PLCL2: variants seen among roughly 807,000 people sequenced by gnomAD.
PLCL2 encodes the protein inactive phospholipase C-like protein 2.
Under a neutral mutation model 79.6 loss-of-function variants are expected in PLCL2, and 4 were observed. The ratio of observed to expected loss-of-function variants is 0.05; its 90% CI spans 0.02 to 0.11. The LOEUF (loss-of-function observed/expected upper bound fraction) is 0.11, where lower values mean the gene tolerates loss of function less well. Among genes scored for constraint, PLCL2 ranks in the 10% least tolerant of loss-of-function variants. PLCL2 has a pLI of 1.00. For synonymous variants in PLCL2, 484 were observed against 457.7 expected (o/e 1.06, Z -0.73); for missense variants, 895 against 1,291.0 (o/e 0.69, Z 4.70).
At position 17,010,636 on chromosome 3, in the gene PLCL2, A is replaced by G. The variant is rs557515225; in HGVS notation, c.1290A>G (p.Gln430=). 2 of 1,613,970 alleles carry G rather than the reference A, an allele frequency of 1.2e-6. No individual in the cohort carries two copies. The highest frequency in any genetic ancestry group is 2.2e-5 in the East Asian group (1 of 44,880). ...AGAAGGTCTGTCAGGATATGAAGCAACCTCTGTCTCATTACTTTATAAACT... is the reference window on the plus strand; with the variant it reads ...AGAAGGTCTGTCAGGATATGAAGCAGCCTCTGTCTCATTACTTTATAAACT... ...EHKKVCQDMK[Q]PLSHYFINSS... Residue 430 remains glutamine (Q), a synonymous_variant, in exon 2 of 6, where the codon CAA becomes CAG. Coordinates refer to ENST00000615277, the MANE Select transcript of PLCL2 (RefSeq NM_001144382.2). The surrounding 1 kb of genome is among the most constrained non-coding windows in gnomAD (Gnocchi z 5.8).
intron 1 of PLCL2, among the ~76,000 whole-genome samples, chr3:16,990,354 A>C (rs1367052510): frequency 3.3e-5 from 5 of 152,196 alleles, no homozygotes; most frequent in Non-Finnish European, 7.3e-5. Flanking sequence ...TAGGTACTCT[A>C]TAAAGGGCTG....
chr3:16,909,277 A>G (rs1205728404), intron 1 of PLCL2, among the ~76,000 whole-genome samples: 4 of 152,224 alleles, frequency 2.6e-5, no homozygotes, highest in Admixed American at 2.6e-4. Flanking sequence ...GTTACTTAAT[A>G]GCAAGGACCT....
intron 1 of PLCL2, among the ~76,000 whole-genome samples, chr3:16,921,230 A>C (rs770993152): frequency 6.6e-6 from 1 of 152,258 alleles, no homozygotes; most frequent in Admixed American, 6.5e-5. Context: ...GGACTGTTCC[A>C]GAATAAGGTT....
At chr3:17,042,495 T>G (rs2064735271) in intron 3 of PLCL2, among the ~76,000 whole-genome samples, 2 of 152,198 alleles carry the variant, frequency 1.3e-5, no homozygotes, top group African/African-American at 4.8e-5. Flanking sequence ...GTTGAAGTTT[T>G]CTATAAGATG....
intron 1 of PLCL2, among the ~76,000 whole-genome samples, chr3:16,934,075 G>A (rs189899537): frequency 4.9e-4 from 74 of 152,110 alleles, no homozygotes; most frequent in Admixed American, 1.5e-3. Flanking sequence ...AAAAACAAAC[G>A]AACAAAAAAG....
At chr3:16,909,243 A>G (rs914618236) in intron 1 of PLCL2, among the ~76,000 whole-genome samples, 2 of 152,128 alleles carry the variant, frequency 1.3e-5, no homozygotes, top group Admixed American at 1.3e-4. Context: ...TAAAATGTAC[A>G]CTCTCAATAT....
At chr3:17,039,000 C>G (rs553990813) in intron 3 of PLCL2, among the ~76,000 whole-genome samples, 1 of 152,282 alleles carries the variant, frequency 6.6e-6, no homozygotes, top group South Asian at 2.1e-4. Flanking sequence ...TCAGGTAGGT[C>G]TTCAGTGTTC....
chr3:16,901,191 A>G (rs1299064784), intron 1 of PLCL2, among the ~76,000 whole-genome samples: 1 of 152,250 alleles, frequency 6.6e-6, no homozygotes, highest in Non-Finnish European at 1.5e-5. Flanking sequence ...GTTTGTTCCA[A>G]TAAAGCAACA....
intron 1 of PLCL2, chr3:16,933,082 A>G (rs1202730365): frequency 6.5e-6 from 1 of 154,476 alleles, no homozygotes; most frequent in Non-Finnish European, 1.5e-5. Flanking sequence ...CATTGCCTCT[A>G]AGAAAATGAA....
At chr3:17,040,924 AT>A (rs923152690) in intron 3 of PLCL2, among the ~76,000 whole-genome samples, 22 of 150,730 alleles carry the variant, frequency 1.5e-4, no homozygotes, top group Admixed American at 5.3e-4. Context: ...CCTTGATCAT[AT>A]TTTTTTTTCC....
At chr3:16,997,992 G>A (rs558850424) in intron 1 of PLCL2, among the ~76,000 whole-genome samples, 4 of 152,180 alleles carry the variant, frequency 2.6e-5, no homozygotes, top group Admixed American at 2.6e-4. Flanking sequence ...AAATAATTAT[G>A]GAATTATTAA....
intron 5 of PLCL2, among the ~76,000 whole-genome samples, chr3:17,078,447 T>C (rs922795753): frequency 9.8e-5 from 14 of 143,068 alleles, no homozygotes; most frequent in African/African-American, 3.3e-4. Context: ...GTGGCTGGGA[T>C]GGCTGGGCTT....
At position 17,069,747 on chromosome 3, in the gene PLCL2, A is replaced by G. The variant is rs367888290; in HGVS notation, c.3204+1682A>G. 2.0e-5 allele frequency among the ~76,000 whole-genome samples: 3 copies of G among 152,140 alleles called. No individual in the cohort carries two copies. In the East Asian group the frequency reaches 5.8e-4, roughly 29 times the overall value. ...AAGGTATCTTCCAAAGCTAGTCGCC[A>G]TTTGCATTTTTCTCACGTTAAACGT... On this transcript the variant is annotated intron_variant, in intron 5 of 5. Coordinates refer to ENST00000615277, the MANE Select transcript of PLCL2 (RefSeq NM_001144382.2).
chr3:16,923,087 C>T (rs995513913), intron 1 of PLCL2, among the ~76,000 whole-genome samples: 1 of 152,126 alleles, frequency 6.6e-6, no homozygotes, highest in African/African-American at 2.4e-5. Flanking sequence ...AGCTCGGCTC[C>T]CCCACAACCA....
chr3:17,034,650 AG>A (rs1363941700), intron 3 of PLCL2, among the ~76,000 whole-genome samples: 1 of 152,194 alleles, frequency 6.6e-6, no homozygotes, highest in East Asian at 1.9e-4. Context: ...CATTTATTTC[AG>A]CATTTAAAAT....
At chr3:17,072,937 C>T (rs2065074565) in intron 5 of PLCL2, among the ~76,000 whole-genome samples, 1 of 152,124 alleles carries the variant, frequency 6.6e-6, no homozygotes, top group Non-Finnish European at 1.5e-5. Flanking sequence ...ATATTGGACC[C>T]AGCCTTCTCT....
At chr3:17,029,854 T>C (rs982591681) in intron 3 of PLCL2, among the ~76,000 whole-genome samples, 18 of 152,142 alleles carry the variant, frequency 1.2e-4, no homozygotes, top group Non-Finnish European at 2.4e-4. Context: ...ATCCTTGTCT[T>C]CATCCTTATC....
At chr3:16,918,301 T>C (rs1330092208) in intron 1 of PLCL2, among the ~76,000 whole-genome samples, 1 of 152,208 alleles carries the variant, frequency 6.6e-6, no homozygotes, top group Non-Finnish European at 1.5e-5. Context: ...GAAAATCTCA[T>C]TTTTTAAGTA....
intron 3 of PLCL2, among the ~76,000 whole-genome samples, chr3:17,041,709 G>A (rs183769346): frequency 2.0e-5 from 3 of 152,272 alleles, no homozygotes; most frequent in South Asian, 2.1e-4. Flanking sequence ...TTGGGAGGCC[G>A]AGGTGGGAAG....
Sources: gnomAD v4.1 joint callset for allele counts (sites outside exome capture counted in the v4.1 genomes callset) on GRCh38, gnomAD v4.1.1 for gene constraint, Gnocchi (gnomAD v3.1) non-coding constraint, MANE v1.5 for transcripts, NCBI Gene and HGNC (gene_info 2026-07-23, HGNC 2026-07-21) for gene names.